The following CHD3 variants were observed in gnomAD, a reference collection of about 807,000 sequenced individuals.
CHD3 encodes chromodomain helicase DNA binding protein 3.
Under a neutral mutation model 248.9 loss-of-function variants are expected in CHD3, and 52 were observed. The ratio of observed to expected loss-of-function variants is 0.21; its 90% CI spans 0.17 to 0.26. The LOEUF (loss-of-function observed/expected upper bound fraction) is 0.26. CHD3 is among the 10% of genes least tolerant of loss of function. The pLI is 1.00. For missense variants in CHD3, 1,482 were observed against 2,605.8 expected (o/e 0.57, Z 9.39); for synonymous variants, 985 against 985.2 (o/e 1.00, Z 0.00).
rs1969433248 is a variant in CHD3, at chr17:7,894,913, C to T, written c.1270-4C>T. 5 of 1,612,368 alleles carry T rather than the reference C, an allele frequency of 3.1e-6. No homozygotes were observed. The highest frequency in any genetic ancestry group is 2.7e-5 in the African/African-American group (2 of 74,876). On this transcript the variant is annotated splice_polypyrimidine_tract_variant and splice_region_variant and intron_variant, in intron 8 of 39. Coordinates refer to ENST00000330494, the MANE Select transcript of CHD3 (RefSeq NM_001005273.3). ...TGTCTGTGTGTCTATCCTTGGCCCCCTAGGAGAAGGAGGGGGTCCAGTGGG... is the reference window on the plus strand; with the variant it reads ...TGTCTGTGTGTCTATCCTTGGCCCCTTAGGAGAAGGAGGGGGTCCAGTGGG...
Position 7,897,215 on chromosome 17 carries a change from T to C in CHD3, c.1840T>C (p.Tyr614His). 6.2e-7 allele frequency: 1 copy of C among 1,614,196 alleles called. No homozygotes were observed. The highest frequency in any genetic ancestry group is 2.2e-5 in the East Asian group (1 of 44,884). The change falls in exon 11 of 40, where the codon TAT becomes CAT. Residue 614 changes from tyrosine to histidine, a missense_variant. Tyr to His is a moderately conservative substitution (Grantham distance 83). Coordinates refer to ENST00000330494, the MANE Select transcript of CHD3 (RefSeq NM_001005273.3). The surrounding 1 kb of genome is among the most constrained non-coding windows in gnomAD (Gnocchi z 4.8). ...CAAGCGTAAAGTGAAAGACCCGCAC[T>C]ATGCTGAGATGGAGGAGAAGTACTA... is the stretch of plus-strand genomic sequence containing the variant. ...SDKRKVKDPHYAEMEEKYYRF... is the reference protein window; with the variant it reads ...SDKRKVKDPHHAEMEEKYYRF...
chr17:7,897,837 C>A lies in CHD3; in HGVS notation c.1920-134C>A. ...AGGTCAACTATTCCAATCTCCCTTC[C>A]AGCAGCTCACTGTTGACGGTTGGGT... On this transcript the variant is annotated intron_variant, in intron 11 of 39. Transcript: ENST00000330494. This position sits in a 1 kb window ranked among gnomAD's most constrained non-coding sequence, Gnocchi z 4.8. The A allele has an allele frequency of 1.1e-6, 1 of 926,676 alleles. No homozygotes were observed. The highest frequency in any genetic ancestry group is 1.6e-6 in the Non-Finnish European group (1 of 610,526). The allele number at this position is 926,676 out of a possible 1,614,324, so 57.4% of individuals were successfully genotyped here.
upstream of CHD3, among the ~76,000 whole-genome samples, chr17:7,888,494 G>A (rs1470400561): frequency 6.6e-6 from 1 of 152,190 alleles, no homozygotes; most frequent in Non-Finnish European, 1.5e-5. Flanking sequence ...GGAGGGACGT[G>A]AACCAGAGCC....
In CHD3 at chr17:7,910,384, CCT is replaced by C; in HGVS notation, c.5591-43_5591-42del. 6.2e-7 allele frequency: 1 copy of C among 1,613,244 alleles called. No individual in the cohort carries two copies. Among genetic ancestry groups the C allele is most frequent in the Non-Finnish European group, 8.5e-7 (1 of 1,179,356 alleles). On this transcript the variant is annotated intron_variant, in intron 37 of 39. Transcript: ENST00000330494. The surrounding 1 kb of genome is among the most constrained non-coding windows in gnomAD (Gnocchi z 4.7). ...TTTCCTGGCTCCATCTCTGTATTTC[CCT>C]GTCTTTCTCTTGCCCTTCTTTCTCT...
intron 10 of CHD3, among the ~76,000 whole-genome samples, chr17:7,896,017 G>A (rs1337127315): frequency 1.3e-5 from 2 of 151,972 alleles, no homozygotes; most frequent in Non-Finnish European, 2.9e-5. Flanking sequence ...CCTGAGGTCA[G>A]GAGATCGAGA....
chr17:7,911,865 A>G lies in CHD3; in HGVS notation c.*280A>G. 2.6e-6 allele frequency: 2 copies of G among 755,842 alleles called. No individual in the cohort carries two copies. The highest frequency in any genetic ancestry group is 3.9e-6 in the Non-Finnish European group (2 of 509,614). 46.8% of individuals were successfully genotyped at this position (755,842 alleles called of 1,614,324 possible). A position where few individuals can be genotyped will look rare whatever the true frequency, so the allele number is the denominator to read the frequency against. ...GGTCTTCCAAGTACCTTCCTCCCAC[A>G]CTGCCAAGTATACACAACTTCCCAG... On this transcript the variant is annotated 3_prime_UTR_variant, in exon 40 of 40. Coordinates refer to ENST00000330494, the MANE Select transcript of CHD3 (RefSeq NM_001005273.3). This position sits in a 1 kb window ranked among gnomAD's most constrained non-coding sequence, Gnocchi z 5.4.
chr17:7,911,846 C>G lies in CHD3; in HGVS notation c.*261C>G. On this transcript the variant is annotated 3_prime_UTR_variant, in exon 40 of 40. Coordinates refer to ENST00000330494, the MANE Select transcript of CHD3 (RefSeq NM_001005273.3). This position sits in a 1 kb window ranked among gnomAD's most constrained non-coding sequence, Gnocchi z 5.4. ...GGTGGGAGATGGCTGGCAGGGTCTT[C>G]CAAGTACCTTCCTCCCACACTGCCA... is the stretch of plus-strand genomic sequence containing the variant. The G allele has an allele frequency of 1.0e-6, 1 of 1,001,894 alleles. No homozygotes were observed. The highest frequency in any genetic ancestry group is 1.4e-5 in the South Asian group (1 of 69,288). 62.1% of individuals were successfully genotyped at this position (1,001,894 alleles called of 1,614,324 possible).
upstream of CHD3, chr17:7,884,881 A>G: frequency 8.2e-7 from 1 of 1,214,426 alleles, no homozygotes; most frequent in Non-Finnish European, 1.1e-6. Context: ...AAGAGGAGGA[A>G]GAAGAGGGCG....
In CHD3 at chr17:7,900,158, G is replaced by T; in HGVS notation, c.2682+125G>T. 1 of 1,521,148 alleles carries T rather than the reference G, an allele frequency of 6.6e-7. No homozygotes were observed. Among genetic ancestry groups the T allele is most frequent in the Non-Finnish European group, 8.9e-7 (1 of 1,121,464 alleles). The allele number at this position is 1,521,148 out of a possible 1,614,324, so 94.2% of individuals were successfully genotyped here. On this transcript the variant is annotated intron_variant, in intron 16 of 39. Coordinates refer to ENST00000330494, the MANE Select transcript of CHD3 (RefSeq NM_001005273.3). This position sits in a 1 kb window ranked among gnomAD's most constrained non-coding sequence, Gnocchi z 6.5. ...GGGAGGACGTCCAGGTTGGAAGAGG[G>T]AGAGGGCCAGAGATTTGGGGCCTCT...
At position 7,897,945 on chromosome 17, in the gene CHD3, C is replaced by T; in HGVS notation, c.1920-26C>T. 6.2e-7 allele frequency: 1 copy of T among 1,604,012 alleles called. No homozygotes were observed. The highest frequency in any genetic ancestry group is 8.5e-7 in the Non-Finnish European group (1 of 1,175,876). On this transcript the variant is annotated intron_variant, in intron 11 of 39. Coordinates refer to ENST00000330494, the MANE Select transcript of CHD3 (RefSeq NM_001005273.3). This position sits in a 1 kb window ranked among gnomAD's most constrained non-coding sequence, Gnocchi z 4.8. ...ATCTGTGCAATATTTTCCTCCTGCT[C>T]CTCCCCATGGCCTCCTGCCCCACAG...
At position 7,889,308 on chromosome 17, in the gene CHD3, G is replaced by A. The variant is rs1398755448; in HGVS notation, c.100+208G>A. Among the ~76,000 whole-genome samples, 1 of 152,262 alleles carries A rather than the reference G, an allele frequency of 6.6e-6. No homozygotes were observed. Among genetic ancestry groups the A allele is most frequent in the Non-Finnish European group, 1.5e-5 (1 of 68,038 alleles). ...TGGGCATGGCTTCCCCAGTTCCTGG[G>A]CAGGATGCCAGCTGGCGAAGTGAGG... On this transcript the variant is annotated intron_variant, in intron 1 of 39. Coordinates refer to ENST00000330494, the MANE Select transcript of CHD3 (RefSeq NM_001005273.3). The surrounding 1 kb of genome is among the most constrained non-coding windows in gnomAD (Gnocchi z 4.5).
chr17:7,894,974 G>A lies in CHD3; in HGVS notation c.1327G>A (p.Gly443Arg), dbSNP rs1288362875. The A allele has an allele frequency of 3.1e-6, 5 of 1,613,644 alleles. No individual in the cohort carries two copies. Among genetic ancestry groups the A allele is most frequent in the Non-Finnish European group, 4.2e-6 (5 of 1,179,822 alleles). The part of the protein sequence containing the change: ...KEEEEEYEEE[G>R]EEEGEKEEED... ...GGAAGAAGAAGAATACGAAGAGGAG[G>A]GAGAGGAAGAAGGGGAGAAGGAGGA... The change falls in exon 9 of 40, where the codon GGA becomes AGA. Residue 443 changes from glycine (G) to arginine (R), a missense_variant. Coordinates refer to ENST00000330494, the MANE Select transcript of CHD3 (RefSeq NM_001005273.3).
At position 7,905,457 on chromosome 17, in the gene CHD3, C is replaced by T. The variant is rs1970813649; in HGVS notation, c.4139-164C>T. 6.6e-6 allele frequency among the ~76,000 whole-genome samples: 1 copy of T among 152,106 alleles called. No individual in the cohort carries two copies. The highest frequency in any genetic ancestry group is 1.5e-5 in the Non-Finnish European group (1 of 68,014). On this transcript the variant is annotated intron_variant, in intron 26 of 39. Coordinates refer to ENST00000330494, the MANE Select transcript of CHD3 (RefSeq NM_001005273.3). The surrounding 1 kb of genome is among the most constrained non-coding windows in gnomAD (Gnocchi z 5.8). ...TTAAAATATGACTGGTTCTTTTAGACTTAGTGGGTTAGTAGTTCTGAAGTG... is the reference window on the plus strand; with the variant it reads ...TTAAAATATGACTGGTTCTTTTAGATTTAGTGGGTTAGTAGTTCTGAAGTG...
At position 7,893,912 on chromosome 17, in the gene CHD3, G is replaced by T. The variant is rs1388857040; in HGVS notation, c.901G>T (p.Gly301Cys). Residue 301 changes from glycine to cysteine, a missense_variant, in exon 6 of 40, where the codon GGC (glycine) becomes TGC (cysteine). Gly to Cys is a radical substitution (Grantham distance 159, BLOSUM62 -3). Transcript: ENST00000330494. ...CAAAATAAAACTAGGGCTTCTGGGTGGCAAGAGGAAGAAAGGAGGCTCGGT... is the reference window on the plus strand; with the variant it reads ...CAAAATAAAACTAGGGCTTCTGGGTTGCAAGAGGAAGAAAGGAGGCTCGGT... ...PLKIKLGLLG[G>C]KRKKGGSYVF... The T allele has an allele frequency of 6.3e-7, 1 of 1,591,900 alleles. No individual in the cohort carries two copies.
rs1970867382 is a variant in CHD3, at chr17:7,905,901, G to A, written c.4270G>A (p.Val1424Met). The A allele has an allele frequency of 6.2e-7, 1 of 1,614,194 alleles. No homozygotes were observed. The highest frequency in any genetic ancestry group is 8.5e-7 in the Non-Finnish European group (1 of 1,180,034). Reference sequence around the variant, plus strand: ...TCAGCGGAAGGCTTTCCTCAATGCTGTGATGCGCTGGGGGATGCCACCACA... The same window carrying A: ...TCAGCGGAAGGCTTTCCTCAATGCTATGATGCGCTGGGGGATGCCACCACA... ...TRQRKAFLNA[V>M]MRWGMPPQDA... Residue 1424 changes from valine to methionine, a missense_variant, in exon 28 of 40, where the codon GTG becomes ATG. This residue lies in a region of CHD3 where 156 missense variants were observed against 420.3 expected (regional missense o/e 0.37). Coordinates refer to ENST00000330494, the MANE Select transcript of CHD3 (RefSeq NM_001005273.3). The surrounding 1 kb of genome is among the most constrained non-coding windows in gnomAD (Gnocchi z 5.8).
intron 2 of CHD3, chr17:7,890,351 C>T (rs551760461): frequency 1.0e-5 from 4 of 386,578 alleles, no homozygotes; most frequent in Non-Finnish European, 1.8e-5. Flanking sequence ...ATCGCTTGAA[C>T]CCGGGAGGTG....
Position 7,899,650 on chromosome 17 carries a change from T to C in CHD3, c.2544+107T>C. The C allele has an allele frequency of 3.4e-6, 4 of 1,186,232 alleles. No homozygotes were observed. The highest frequency in any genetic ancestry group is 4.8e-6 in the Non-Finnish European group (4 of 826,118). 73.5% of individuals were successfully genotyped at this position (1,186,232 alleles called of 1,614,324 possible). A position where few individuals can be genotyped will look rare whatever the true frequency, so the allele number is the denominator to read the frequency against. On this transcript the variant is annotated intron_variant, in intron 15 of 39. Transcript: ENST00000330494. The surrounding 1 kb of genome is among the most constrained non-coding windows in gnomAD (Gnocchi z 6.8). ...CCCCTCCTCACCTTTCTCCTCTTCC[T>C]CCACCTGTCCTCCTGTCTCTGCACT...
intron 7 of CHD3, 26 bp downstream of exon 7, chr17:7,894,291 C>G: frequency 6.2e-7 from 1 of 1,607,298 alleles, no homozygotes; most frequent in East Asian, 2.2e-5. Flanking sequence ...TGTGTGTGAT[C>G]CTGTCAGTGG....
In CHD3 at chr17:7,910,379, AT is replaced by A. The variant is rs1479259755; in HGVS notation, c.5591-46del. On this transcript the variant is annotated intron_variant, in intron 37 of 39. Transcript: ENST00000330494. The surrounding 1 kb of genome is among the most constrained non-coding windows in gnomAD (Gnocchi z 4.7). ...TCTCTTTTCCTGGCTCCATCTCTGT[AT>A]TTCCCTGTCTTTCTCTTGCCCTTCT... is the stretch of plus-strand genomic sequence containing the variant. 22 of 1,610,126 alleles carry A rather than the reference AT, an allele frequency of 1.4e-5. No individual in the cohort carries two copies. Among genetic ancestry groups the A allele is most frequent in the Middle Eastern group, 3.3e-4 (2 of 6,080 alleles).
Sources: allele counts gnomAD v4.1 joint callset (sites outside exome capture counted in the v4.1 genomes callset), GRCh38; gene constraint gnomAD v4.1.1; regional missense constraint gnomAD v4.1.1; non-coding constraint Gnocchi (gnomAD v3.1); transcripts MANE v1.5; gene names NCBI Gene and HGNC (gene_info 2026-07-23, HGNC 2026-07-21).